The following SRD5A1 variants were observed in gnomAD, a reference collection of about 807,000 sequenced individuals.
The protein encoded by SRD5A1 is 3-oxo-5-alpha-steroid 4-dehydrogenase 1.
A neutral mutation model predicts 28.2 loss-of-function variants in SRD5A1; 22 were observed. The observed-to-expected ratio is 0.78, with a 90% CI of 0.56 to 1.12. The LOEUF (loss-of-function observed/expected upper bound fraction) is 1.12, where lower values mean the gene tolerates loss of function less well. Among genes scored for constraint, SRD5A1 ranks in the 50% most tolerant of loss-of-function variants. The pLI, the probability that SRD5A1 is intolerant of heterozygous loss-of-function variation, is 0.00. For synonymous variants in SRD5A1, 151 were observed against 135.0 expected (o/e 1.12, Z -0.82); for missense variants, 300 against 346.7 (o/e 0.87, Z 1.07).
intron 3 of SRD5A1, among the ~76,000 whole-genome samples, chr5:6,660,766 G>A (rs534532189): frequency 6.6e-6 from 1 of 152,190 alleles, no homozygotes; most frequent in Non-Finnish European, 1.5e-5. Flanking sequence ...TTTTCACTCT[G>A]CTATAAAGAA....
intron 2 of SRD5A1, among the ~76,000 whole-genome samples, chr5:6,655,491 G>C (rs539468132): frequency 3.9e-5 from 6 of 152,242 alleles, no homozygotes; most frequent in Non-Finnish European, 7.3e-5. Context: ...AGGACTGACC[G>C]AGCAATGCTG....
At chr5:6,659,126 T>A (rs1738917476) in intron 3 of SRD5A1, among the ~76,000 whole-genome samples, 1 of 151,536 alleles carries the variant, frequency 6.6e-6, no homozygotes, top group Admixed American at 6.6e-5. Flanking sequence ...TCTTTTTTTT[T>A]TTTTTGAGAC....
intron 2 of SRD5A1, among the ~76,000 whole-genome samples, chr5:6,652,337 T>G (rs1287450252): frequency 2.0e-5 from 3 of 152,226 alleles, no homozygotes; most frequent in African/African-American, 7.2e-5. Context: ...ATTGACCACA[T>G]AATCTCCTGC....
intron 2 of SRD5A1, 39 bp downstream of exon 2, chr5:6,652,047 C>A: frequency 6.3e-7 from 1 of 1,577,880 alleles, no homozygotes; most frequent in Non-Finnish European, 8.6e-7. Context: ...TTGTTCACAT[C>A]ATTGCTTTTA....
At chr5:6,634,855 C>T (rs966076937) in intron 1 of SRD5A1, among the ~76,000 whole-genome samples, 57 of 152,334 alleles carry the variant, frequency 3.7e-4, no homozygotes, top group African/African-American at 1.3e-3. Flanking sequence ...AAGCAAACGA[C>T]AGGTCGAAAG....
intron 2 of SRD5A1, among the ~76,000 whole-genome samples, chr5:6,654,081 G>A (rs1359120529): frequency 6.6e-6 from 1 of 151,748 alleles, no homozygotes; most frequent in African/African-American, 2.4e-5. Context: ...TTGAGATGGA[G>A]TTTCTCTATC....
At chr5:6,647,260 G>T (rs906448296) in intron 1 of SRD5A1, among the ~76,000 whole-genome samples, 2 of 152,148 alleles carry the variant, frequency 1.3e-5, no homozygotes, top group African/African-American at 4.8e-5. Flanking sequence ...CTGTTGATTT[G>T]GGGTGGAGAG....
At position 6,668,399 on chromosome 5, in the gene SRD5A1, T is replaced by G; in HGVS notation, c.*131T>G. On this transcript the variant is annotated 3_prime_UTR_variant, in exon 5 of 5. Coordinates refer to ENST00000274192, the MANE Select transcript of SRD5A1 (RefSeq NM_001047.4). Reference sequence around the variant, plus strand: ...TTTTCAAGATGTCCTCTAGGAATTTTTTTTCTAGTAATTTTGCAATCTACC... The same window carrying G: ...TTTTCAAGATGTCCTCTAGGAATTTGTTTTCTAGTAATTTTGCAATCTACC... 1.8e-6 allele frequency: 1 copy of G among 566,696 alleles called. No individual in the cohort carries two copies. Among genetic ancestry groups the G allele is most frequent in the Non-Finnish European group, 3.0e-6 (1 of 337,516 alleles). 35.1% of individuals were successfully genotyped at this position (566,696 alleles called of 1,614,324 possible).
intron 1 of SRD5A1, chr5:6,645,206 G>A (rs1738475142): frequency 6.0e-6 from 2 of 331,304 alleles, no homozygotes; most frequent in South Asian, 2.4e-5. Context: ...GATTACTGTC[G>A]ACGTTCATAA....
intron 1 of SRD5A1, among the ~76,000 whole-genome samples, chr5:6,644,598 A>C (rs1220217175): frequency 6.6e-6 from 1 of 152,000 alleles, no homozygotes; most frequent in Non-Finnish European, 1.5e-5. Context: ...TGGTACACTG[A>C]GGGGTAGAGT....
chr5:6,660,456 G>A (rs1738968021), intron 3 of SRD5A1, among the ~76,000 whole-genome samples: 1 of 152,238 alleles, frequency 6.6e-6, no homozygotes, highest in South Asian at 2.1e-4. Flanking sequence ...TTCCACGTCT[G>A]GGATTCACCT....
chr5:6,637,068 T>C (rs560126206), intron 1 of SRD5A1, among the ~76,000 whole-genome samples: 1 of 152,218 alleles, frequency 6.6e-6, no homozygotes, highest in South Asian at 2.1e-4. Flanking sequence ...TGAAGCCTCC[T>C]TCTGATCCCA....
In SRD5A1 at chr5:6,668,432, T is replaced by C. The variant is rs1442233729; in HGVS notation, c.*164T>C. 7 of 484,062 alleles carry C rather than the reference T, an allele frequency of 1.4e-5. No homozygotes were observed. The Admixed American group carries it at 2.9e-4, about 20-fold the overall frequency. 30.0% of individuals were successfully genotyped at this position (484,062 alleles called of 1,614,324 possible). On this transcript the variant is annotated 3_prime_UTR_variant, in exon 5 of 5. Transcript: ENST00000274192. The stretch of plus-strand genomic sequence containing the variant: ...GTAATTTTGCAATCTACCTAATAAG[T>C]ACCTAAATACGCTGAAATGGAGGTT...
intron 4 of SRD5A1, among the ~76,000 whole-genome samples, chr5:6,667,296 T>C (rs1739214219): frequency 6.6e-6 from 1 of 152,322 alleles, no homozygotes; most frequent in East Asian, 1.9e-4. Flanking sequence ...CATGCCTTTT[T>C]GGGGACACAG....
chr5:6,635,846 A>C (rs1437748196), intron 1 of SRD5A1, among the ~76,000 whole-genome samples: 1 of 152,174 alleles, frequency 6.6e-6, no homozygotes, highest in Non-Finnish European at 1.5e-5. Flanking sequence ...ACATTCACTC[A>C]AGCAGAAAAA....
intron 3 of SRD5A1, among the ~76,000 whole-genome samples, chr5:6,660,590 G>A (rs550983705): frequency 1.2e-4 from 19 of 152,364 alleles, no homozygotes; most frequent in African/African-American, 4.1e-4. Flanking sequence ...AAGGAACAGC[G>A]CTGTGAATGC....
At chr5:6,662,720 G>T in intron 3 of SRD5A1, 96 bp from the exon 4 acceptor site, 1 of 1,369,642 alleles carries the variant, frequency 7.3e-7, no homozygotes, top group South Asian at 1.3e-5. Context: ...TTCCGTTCTT[G>T]AATTTATGTT....
At chr5:6,635,656 T>A (rs938358617) in intron 1 of SRD5A1, among the ~76,000 whole-genome samples, 4 of 152,246 alleles carry the variant, frequency 2.6e-5, no homozygotes, top group Non-Finnish European at 5.9e-5. Context: ...CTAGCACTAT[T>A]TTGCATTGCT....
intron 1 of SRD5A1, among the ~76,000 whole-genome samples, chr5:6,651,495 AAATAAT>A (rs368166002): frequency 6.6e-6 from 1 of 151,414 alleles, no homozygotes; most frequent in Non-Finnish European, 1.5e-5. Flanking sequence ...GGTCTCTACA[AAATAAT>A]AATAATAATA....
Sources: allele counts gnomAD v4.1 joint callset (sites outside exome capture counted in the v4.1 genomes callset), GRCh38; gene constraint gnomAD v4.1.1; transcripts MANE v1.5; gene names NCBI Gene and HGNC (gene_info 2026-07-23, HGNC 2026-07-21).